SPATA6: variants seen among roughly 807,000 people sequenced by gnomAD.
SPATA6 encodes the protein spermatogenesis-associated protein 6.
In SPATA6, 56 loss-of-function variants were observed where a neutral mutation model predicts 65.3. The observed-to-expected ratio is 0.86, with a 90% CI of 0.69 to 1.07. SPATA6 has a LOEUF of 1.07. SPATA6 is among the 50% of genes least tolerant of loss of function. The pLI, the probability that SPATA6 is intolerant of heterozygous loss-of-function variation, is 0.00. For missense variants in SPATA6, 590 were observed against 594.8 expected (o/e 0.99, Z 0.08); for synonymous variants, 199 against 213.2 (o/e 0.93, Z 0.58).
At chr1:48,417,807 G>A (rs955556707) in intron 3 of SPATA6, among the ~76,000 whole-genome samples, 8 of 152,048 alleles carry the variant, frequency 5.3e-5, no homozygotes, top group African/African-American at 1.9e-4. Flanking sequence ...CTGGGCAACA[G>A]ACAGAGCGAG....
chr1:48,372,733 CT>C (rs1647428854), intron 9 of SPATA6, among the ~76,000 whole-genome samples: 1 of 152,260 alleles, frequency 6.6e-6, no homozygotes, highest in Admixed American at 6.5e-5. Flanking sequence ...CATACATCTT[CT>C]GAAAACTAGG....
chr1:48,286,445 T>C, the SPATA6 span, among the ~76,000 whole-genome samples: 1 of 152,212 alleles, frequency 6.6e-6, no homozygotes, highest in Non-Finnish European at 1.5e-5. Flanking sequence ...GGATTGCTTT[T>C]TATATTTCCC....
intron 3 of SPATA6, among the ~76,000 whole-genome samples, chr1:48,425,844 TA>T (rs941271237): frequency 1.3e-5 from 2 of 151,106 alleles, no homozygotes; most frequent in Non-Finnish European, 1.5e-5. Flanking sequence ...ATGTAAAAGG[TA>T]AAAAAAATGC....
chr1:48,398,038 T>C (rs1362379658), intron 7 of SPATA6, among the ~76,000 whole-genome samples: 1 of 151,664 alleles, frequency 6.6e-6, no homozygotes. Flanking sequence ...ATATAGTATA[T>C]CCTTTCTTTT....
At chr1:48,302,641 T>C (rs184073617) in intron 12 of SPATA6, among the ~76,000 whole-genome samples, 118 of 152,326 alleles carry the variant, frequency 7.7e-4, no homozygotes, top group Non-Finnish European at 1.4e-3. Context: ...AATTCTGCCC[T>C]GGATTTTACT....
chr1:48,330,836 GGA>G (rs1348973577), intron 11 of SPATA6, among the ~76,000 whole-genome samples: 31 of 152,172 alleles, frequency 2.0e-4, no homozygotes, highest in Admixed American at 2.0e-3. Context: ...CTTTCTCCCA[GGA>G]AGCACACAAA....
chr1:48,279,330 G>C, the SPATA6 span, among the ~76,000 whole-genome samples: 1 of 152,060 alleles, frequency 6.6e-6, no homozygotes, highest in African/African-American at 2.4e-5. Flanking sequence ...CACACATAAC[G>C]ATATTAACTT....
intron 3 of SPATA6, among the ~76,000 whole-genome samples, chr1:48,415,237 T>C (rs914924962): frequency 1.3e-5 from 2 of 152,178 alleles, no homozygotes; most frequent in African/African-American, 2.4e-5. Context: ...CAGTCCAAGG[T>C]TGGACAGGAC....
intron 3 of SPATA6, chr1:48,436,623 G>A (rs991056257): frequency 8.4e-5 from 136 of 1,613,954 alleles, no homozygotes; most frequent in Non-Finnish European, 1.0e-4. Context: ...ATAGGGCTGT[G>A]TATGATTTCC....
At chr1:48,285,253 C>T in the SPATA6 span, among the ~76,000 whole-genome samples, 1 of 152,246 alleles carries the variant, frequency 6.6e-6, no homozygotes, top group Non-Finnish European at 1.5e-5. Flanking sequence ...CTACTCAAGC[C>T]TCAGTAATGG....
chr1:48,292,313 G>A (rs534811128), downstream of SPATA6, among the ~76,000 whole-genome samples: 2 of 152,328 alleles, frequency 1.3e-5, no homozygotes, highest in African/African-American at 4.8e-5. Flanking sequence ...GGAGGGACAG[G>A]AGTGGTGGCA....
At chr1:48,364,357 G>A (rs1284108503) in intron 9 of SPATA6, among the ~76,000 whole-genome samples, 1 of 152,170 alleles carries the variant, frequency 6.6e-6, no homozygotes, top group Non-Finnish European at 1.5e-5. Context: ...TCTAGTTCTA[G>A]ATCCCTGAGG....
rs567626341 is a variant in SPATA6, at chr1:48,418,498, C to A, written c.239-5347G>T. Among the ~76,000 whole-genome samples, 3 of 138,614 alleles carry A rather than the reference C, an allele frequency of 2.2e-5. No homozygotes were observed. In the East Asian group the frequency reaches 6.5e-4, roughly 30 times the overall value. 90.9% of individuals were successfully genotyped at this position (138,614 alleles called of 152,430 possible). ...CAAGTTGGGAGGGTTGCTTGAGCCC[C>A]GGAGTTCGAGACCAGCCTGGGCAAC... On this transcript the variant is annotated intron_variant, in intron 3 of 12. Coordinates refer to ENST00000371847, the MANE Select transcript of SPATA6 (RefSeq NM_019073.4).
chr1:48,287,727 C>A, the SPATA6 span, among the ~76,000 whole-genome samples: 1 of 152,204 alleles, frequency 6.6e-6, no homozygotes, highest in African/African-American at 2.4e-5. Context: ...CATGCTTGTA[C>A]AGCCTGCAGA....
chr1:48,265,851 G>A, the SPATA6 span, among the ~76,000 whole-genome samples: 1 of 152,132 alleles, frequency 6.6e-6, no homozygotes, highest in African/African-American at 2.4e-5. Flanking sequence ...TTTAGACCTG[G>A]ATGTTATATA....
intron 3 of SPATA6, among the ~76,000 whole-genome samples, chr1:48,414,207 T>G (rs527870757): frequency 5.3e-5 from 8 of 152,324 alleles, no homozygotes; most frequent in Admixed American, 2.0e-4. Context: ...CTCAAGTTTT[T>G]GTTAAGTTTT....
rs770663268 is a variant in SPATA6, at chr1:48,298,726, T to G, written c.1454A>C (p.Gln485Pro). The G allele has an allele frequency of 6.2e-7, 1 of 1,612,148 alleles. No individual in the cohort carries two copies. The highest frequency in any genetic ancestry group is 8.5e-7 in the Non-Finnish European group (1 of 1,179,278). The change falls in exon 13 of 13, where the codon CAG becomes CCG. Residue 485 changes from glutamine to proline, a missense_variant. Coordinates refer to ENST00000371847, the MANE Select transcript of SPATA6 (RefSeq NM_019073.4). ...TCATGGATGGTCTCAGAAGCTTTCC[T>G]GTGTATGTGAAGCAGAACTACAGGC... ...KKACSSASHT[Q>P]ESF
chr1:48,402,057 A>C (rs948717955), intron 6 of SPATA6, among the ~76,000 whole-genome samples: 3 of 152,202 alleles, frequency 2.0e-5, no homozygotes, highest in Non-Finnish European at 2.9e-5. Context: ...GTTTCTAGAA[A>C]GAATATTTAA....
the SPATA6 span, among the ~76,000 whole-genome samples, chr1:48,278,060 C>G: frequency 6.6e-6 from 1 of 152,178 alleles, no homozygotes; most frequent in Non-Finnish European, 1.5e-5. Context: ...CTGCTGATAC[C>G]CAGGCAAACA....
Sources: gnomAD v4.1 joint callset for allele counts (sites outside exome capture counted in the v4.1 genomes callset) on GRCh38, gnomAD v4.1.1 for gene constraint, MANE v1.5 for transcripts, NCBI Gene and HGNC (gene_info 2026-07-23, HGNC 2026-07-21) for gene names.